The following TAF4 variants were observed in gnomAD, a reference collection of about 807,000 sequenced individuals.
TAF4 encodes the protein TATA-box binding protein associated factor 4.
Under a neutral mutation model 90.3 loss-of-function variants are expected in TAF4, and 9 were observed. That is an observed-to-expected ratio of 0.10 (90% CI 0.06 to 0.17). TAF4 has a LOEUF of 0.17. Among genes scored for constraint, TAF4 ranks in the 10% least tolerant of loss-of-function variants. TAF4 has a pLI of 1.00. For missense variants in TAF4, 1,351 were observed against 1,370.7 expected (o/e 0.99, Z 0.23); for synonymous variants, 818 against 638.9 (o/e 1.28, Z -4.23).
intron 1 of TAF4, among the ~76,000 whole-genome samples, chr20:62,063,108 G>A (rs1219968402): frequency 1.3e-5 from 2 of 152,064 alleles, no homozygotes; most frequent in Non-Finnish European, 2.9e-5. Flanking sequence ...TGTCGTAAAG[G>A]GCGTCTCAGC....
intron 14 of TAF4, among the ~76,000 whole-genome samples, chr20:61,984,641 T>C (rs1019979924): frequency 3.9e-5 from 5 of 129,312 alleles, no homozygotes; most frequent in African/African-American, 1.5e-4. Context: ...AGGAAGCTCC[T>C]GATGCAGTGA....
chr20:62,063,999 G>A (rs2056105646), intron 1 of TAF4, among the ~76,000 whole-genome samples: 1 of 152,220 alleles, frequency 6.6e-6, no homozygotes, highest in South Asian at 2.1e-4. Flanking sequence ...CAGGCCACAC[G>A]CCTAACTGCA....
At chr20:62,021,150 G>A (rs1430944888) in intron 1 of TAF4, among the ~76,000 whole-genome samples, 9 of 152,130 alleles carry the variant, frequency 5.9e-5, no homozygotes, top group East Asian at 1.9e-4. Context: ...GGAACTCAAC[G>A]CCAGGCCAAA....
intron 7 of TAF4, chr20:62,005,870 A>G (rs1224436495): frequency 2.0e-5 from 3 of 152,104 alleles, no homozygotes; most frequent in African/African-American, 7.2e-5. Context: ...GGAAGAAAAC[A>G]CCTCTGAAAT....
Position 62,065,371 on chromosome 20 carries a change from G to GCGA in TAF4, c.437_439dup (p.Val146dup). ...GGCGGGGGCGGGCTCGGGCCCCGCGGCGACGGCGGCGGCGGCGGGCACCGG... is the reference window on the plus strand; with the variant it reads ...GGCGGGGGCGGGCTCGGGCCCCGCGGCGACGACGGCGGCGGCGGCGGGCACCGG... On this transcript the variant is annotated inframe_insertion, in exon 1 of 15. Coordinates refer to ENST00000252996, the MANE Select transcript of TAF4 (RefSeq NM_003185.4). 1.0e-6 allele frequency: 1 copy of GCGA among 971,368 alleles called. No homozygotes were observed. Among genetic ancestry groups the GCGA allele is most frequent in the Non-Finnish European group, 1.2e-6 (1 of 822,642 alleles). 60.2% of individuals were successfully genotyped at this position (971,368 alleles called of 1,614,324 possible).
In TAF4 at chr20:62,006,999, C is replaced by T. The variant is rs1010084663; in HGVS notation, c.1975-241G>A. ...GTTCAAGAAAACAAACAAAAAGAGACATATTTTTAAAAAACTTTTTAAAAT... is the reference window on the plus strand; with the variant it reads ...GTTCAAGAAAACAAACAAAAAGAGATATATTTTTAAAAAACTTTTTAAAAT... On this transcript the variant is annotated intron_variant, in intron 6 of 14. Coordinates refer to ENST00000252996, the MANE Select transcript of TAF4 (RefSeq NM_003185.4). The surrounding 1 kb of genome is among the most constrained non-coding windows in gnomAD (Gnocchi z 7.0). 6 of 438,944 alleles carry T rather than the reference C, an allele frequency of 1.4e-5. No homozygotes were observed. The highest frequency in any genetic ancestry group is 4.1e-5 in the African/African-American group (2 of 49,186). The allele number at this position is 438,944 out of a possible 1,614,324, so 27.2% of individuals were successfully genotyped here. A position where few individuals can be genotyped will look rare whatever the true frequency, so the allele number is the denominator to read the frequency against.
In TAF4 at chr20:62,010,975, T is replaced by A. The variant is rs905214389; in HGVS notation, c.1642-810A>T. Reference sequence around the variant, plus strand: ...GTCAACATTTTCTGTCTCCAATTTTTTAAACACTCCTTTGCAACTTCTGAA... The same window carrying A: ...GTCAACATTTTCTGTCTCCAATTTTATAAACACTCCTTTGCAACTTCTGAA... On this transcript the variant is annotated intron_variant, in intron 3 of 14. Coordinates refer to ENST00000252996, the MANE Select transcript of TAF4 (RefSeq NM_003185.4). This position sits in a 1 kb window ranked among gnomAD's most constrained non-coding sequence, Gnocchi z 4.5. Among the ~76,000 whole-genome samples the A allele has an allele frequency of 2.6e-5, 4 of 152,346 alleles. No homozygotes were observed. The highest frequency in any genetic ancestry group is 2.6e-4 in the Admixed American group (4 of 15,310).
In TAF4 at chr20:62,010,271, C is replaced by G; in HGVS notation, c.1642-106G>C. On this transcript the variant is annotated intron_variant, in intron 3 of 14. Coordinates refer to ENST00000252996, the MANE Select transcript of TAF4 (RefSeq NM_003185.4). The surrounding 1 kb of genome is among the most constrained non-coding windows in gnomAD (Gnocchi z 4.5). ...AAGAAAACAAGCCTCCCTGCGGTGG[C>G]CAGGACGCCCAGGAAGCCAAGGACC... 2 of 1,524,406 alleles carry G rather than the reference C, an allele frequency of 1.3e-6. No individual in the cohort carries two copies. The highest frequency in any genetic ancestry group is 1.8e-6 in the Non-Finnish European group (2 of 1,129,142). The allele number at this position is 1,524,406 out of a possible 1,614,324, so 94.4% of individuals were successfully genotyped here.
chr20:61,985,113 G>A (rs953747093), intron 14 of TAF4, among the ~76,000 whole-genome samples: 2 of 106,974 alleles, frequency 1.9e-5, no homozygotes, highest in Admixed American at 1.8e-4. Context: ...TGACTCTCCG[G>A]ACCATGGCAA....
intron 1 of TAF4, among the ~76,000 whole-genome samples, chr20:62,045,555 C>T (rs1474871303): frequency 6.6e-6 from 1 of 152,238 alleles, no homozygotes; most frequent in Non-Finnish European, 1.5e-5. Flanking sequence ...GGAATACAGA[C>T]TAGCATGCGT....
intron 6 of TAF4, among the ~76,000 whole-genome samples, chr20:62,007,203 T>C (rs1365954712): frequency 6.6e-6 from 1 of 152,190 alleles, no homozygotes; most frequent in East Asian, 1.9e-4. Flanking sequence ...TACCAATGAT[T>C]ACCCAACAGA....
chr20:62,013,930 T>A, intron 2 of TAF4, among the ~76,000 whole-genome samples: 1 of 146,036 alleles, frequency 6.8e-6, no homozygotes, highest in African/African-American at 2.6e-5. Context: ...TGTGTGTGTG[T>A]GTGTGTGTGT....
chr20:62,052,381 C>G (rs2056034099), intron 1 of TAF4, among the ~76,000 whole-genome samples: 1 of 152,114 alleles, frequency 6.6e-6, no homozygotes, highest in Admixed American at 6.5e-5. Context: ...CTTTGACCCC[C>G]TCACCACAGT....
Position 62,064,680 on chromosome 20 carries a change from T to A in TAF4, c.1131A>T (p.Pro377=). The change falls in exon 1 of 15, where the codon CCA becomes CCT. Residue 377 remains proline (P), a synonymous_variant. Coordinates refer to ENST00000252996, the MANE Select transcript of TAF4 (RefSeq NM_003185.4). ...ASTAASMVIG[P]TMQGALPSPA... is the part of the protein sequence containing the mutation. ...GGCTGGGCAGCGCCCCTTGCATAGT[T>A]GGCCCGATGACCATGCTGGCCGCCG... is the stretch of plus-strand genomic sequence containing the variant. 1 of 1,268,420 alleles carries A rather than the reference T, an allele frequency of 7.9e-7. No homozygotes were observed. 78.6% of individuals were successfully genotyped at this position (1,268,420 alleles called of 1,614,324 possible).
chr20:62,004,741 T>A (rs1746282), intron 7 of TAF4: 10,107 of 152,348 alleles, frequency 0.066, 584 homozygotes, highest in African/African-American at 0.16. Context: ...GCTCCCAGCA[T>A]GGCCAGCTCT....
intron 1 of TAF4, among the ~76,000 whole-genome samples, chr20:62,038,195 T>C (rs969391657): frequency 1.2e-4 from 18 of 152,008 alleles, no homozygotes; most frequent in African/African-American, 4.3e-4. Flanking sequence ...GCCCGGCTAA[T>C]TTTTTGTATT....
chr20:62,011,880 C>G (rs555672375), intron 3 of TAF4, among the ~76,000 whole-genome samples: 1 of 152,312 alleles, frequency 6.6e-6, no homozygotes, highest in East Asian at 1.9e-4. Flanking sequence ...ACCAGGTGAC[C>G]AAGAAAAACC....
At chr20:61,983,421 G>T (rs1364861335) in intron 14 of TAF4, among the ~76,000 whole-genome samples, 1 of 152,164 alleles carries the variant, frequency 6.6e-6, no homozygotes, top group East Asian at 1.9e-4. Context: ...TTTGAAAAGG[G>T]AGGCCAAGGC....
chr20:62,016,713 C>T (rs2055814083), intron 1 of TAF4, among the ~76,000 whole-genome samples: 1 of 152,196 alleles, frequency 6.6e-6, no homozygotes, highest in African/African-American at 2.4e-5. Flanking sequence ...AGTCAATTCT[C>T]CTAATAAACT....
Sources: allele counts gnomAD v4.1 joint callset (sites outside exome capture counted in the v4.1 genomes callset), GRCh38; gene constraint gnomAD v4.1.1; non-coding constraint Gnocchi (gnomAD v3.1); transcripts MANE v1.5; gene names NCBI Gene and HGNC (gene_info 2026-07-23, HGNC 2026-07-21).